CAST: variants seen among roughly 807,000 people sequenced by gnomAD.
CAST encodes the protein MIR583 host.
Under a neutral mutation model 119.6 loss-of-function variants are expected in CAST, and 76 were observed. That is an observed-to-expected ratio of 0.64 (90% confidence interval 0.53 to 0.77). The LOEUF (loss-of-function observed/expected upper bound fraction) is 0.77, where lower values mean the gene tolerates loss of function less well. Ranked by LOEUF, CAST falls within the 30% of genes least tolerant of loss-of-function variation. CAST has a pLI of 0.00. For synonymous variants in CAST, 319 were observed against 331.6 expected, an observed-to-expected ratio of 0.96 and a Z score of 0.41; for missense variants, 953 against 946.5, an observed-to-expected ratio of 1.01 and a Z score of -0.09.
the CAST span, among the ~76,000 whole-genome samples, chr5:96,501,373 C>T: frequency 7.0e-3 from 1,061 of 152,094 alleles, 8 homozygotes; most frequent in African/African-American, 0.025. Flanking sequence ...ATAAAACAGG[C>T]ATAATCATCT....
At chr5:96,272,399 C>T in the CAST span, among the ~76,000 whole-genome samples, 1 of 152,064 alleles carries the variant, frequency 6.6e-6, no homozygotes, top group African/African-American at 2.4e-5. Context: ...AAATGTGGTA[C>T]ATATACACAA....
the CAST span, among the ~76,000 whole-genome samples, chr5:96,227,785 T>C: frequency 6.6e-6 from 1 of 152,124 alleles, no homozygotes; most frequent in African/African-American, 2.4e-5. Flanking sequence ...GATAAAGCCT[T>C]GAGGCTCCCT....
intron 1 of CAST, among the ~76,000 whole-genome samples, chr5:96,552,593 A>T (rs933605519): frequency 2.0e-5 from 3 of 152,192 alleles, no homozygotes; most frequent in East Asian, 3.8e-4. Flanking sequence ...GGAGATAGAG[A>T]CACAAAAAGC....
the CAST span, among the ~76,000 whole-genome samples, chr5:96,005,003 G>A: frequency 6.6e-6 from 1 of 152,136 alleles, no homozygotes; most frequent in African/African-American, 2.4e-5. Flanking sequence ...TGGCAATAGA[G>A]GACAATGGAG....
At chr5:96,171,694 T>C in the CAST span, among the ~76,000 whole-genome samples, 1 of 152,048 alleles carries the variant, frequency 6.6e-6, no homozygotes, top group African/African-American at 2.4e-5. Context: ...GGAACTGAAA[T>C]TAAGAGAAGG....
chr5:96,754,827 A>G, intron 22 of CAST, 86 bp downstream of exon 22: 1 of 780,430 alleles, frequency 1.3e-6, no homozygotes, highest in Non-Finnish European at 2.2e-6. Flanking sequence ...ACAGAACTGG[A>G]ATATAAAGAT....
chr5:96,300,536 G>A, the CAST span, among the ~76,000 whole-genome samples: 94 of 151,142 alleles, frequency 6.2e-4, no homozygotes, highest in Middle Eastern at 3.4e-3. Context: ...GTAGTGTGAT[G>A]CTTCCAGCTT....
the CAST span, chr5:96,390,327 A>C: frequency 6.6e-6 from 1 of 152,180 alleles, no homozygotes; most frequent in South Asian, 2.1e-4. Flanking sequence ...AAAGAGGGAG[A>C]TCTTGTTTGT....
chr5:96,229,525 T>C, the CAST span, among the ~76,000 whole-genome samples: 1 of 152,116 alleles, frequency 6.6e-6, no homozygotes, highest in Non-Finnish European at 1.5e-5. Flanking sequence ...AACAGTGGTA[T>C]CTTCCTGAGC....
the CAST span, among the ~76,000 whole-genome samples, chr5:96,395,644 A>G: frequency 0.017 from 2,568 of 152,162 alleles, 80 homozygotes; most frequent in African/African-American, 0.058. Flanking sequence ...CCTGTCAGGG[A>G]GTAGGGGGCA....
chr5:96,367,626 G>A, the CAST span, among the ~76,000 whole-genome samples: 8 of 152,248 alleles, frequency 5.3e-5, no homozygotes, highest in East Asian at 1.2e-3. Flanking sequence ...TCCGTGCCAG[G>A]CGCGGGATAT....
the CAST span, among the ~76,000 whole-genome samples, chr5:96,299,280 A>G: frequency 4.2e-5 from 6 of 141,260 alleles, no homozygotes; most frequent in Non-Finnish European, 7.9e-5. Context: ...CAACAACAAC[A>G]ACAACAACAA....
chr5:96,243,992 G>T, the CAST span, among the ~76,000 whole-genome samples: 1 of 152,204 alleles, frequency 6.6e-6, no homozygotes, highest in Non-Finnish European at 1.5e-5. Context: ...ACTGCATAGG[G>T]TAAGCAGTAC....
the CAST span, among the ~76,000 whole-genome samples, chr5:96,457,846 G>A: frequency 1.3e-5 from 2 of 152,302 alleles, no homozygotes; most frequent in East Asian, 1.9e-4. Context: ...GAAGACAGCT[G>A]TCATTTTTCC....
chr5:95,976,797 T>G, the CAST span, among the ~76,000 whole-genome samples: 1 of 152,176 alleles, frequency 6.6e-6, no homozygotes, highest in African/African-American at 2.4e-5. Flanking sequence ...GGAAGAAGGC[T>G]TCATTTTGCA....
chr5:96,606,373 A>G (rs1180916711), intron 1 of CAST, among the ~76,000 whole-genome samples: 1 of 152,212 alleles, frequency 6.6e-6, no homozygotes, highest in Non-Finnish European at 1.5e-5. Flanking sequence ...TTTTATCTGT[A>G]TAAGAATACT....
the CAST span, among the ~76,000 whole-genome samples, chr5:96,096,258 C>G: frequency 6.6e-6 from 1 of 152,140 alleles, no homozygotes; most frequent in East Asian, 1.9e-4. Context: ...ATCAGAGGCT[C>G]CTTTGCTGCT....
intron 1 of CAST, among the ~76,000 whole-genome samples, chr5:96,665,584 A>G (rs1357873245): frequency 6.6e-6 from 1 of 152,164 alleles, no homozygotes; most frequent in Non-Finnish European, 1.5e-5. Flanking sequence ...TTGAGAATCA[A>G]ATGGGATTTA....
the CAST span, among the ~76,000 whole-genome samples, chr5:96,008,209 TA>T: frequency 2.6e-5 from 4 of 152,204 alleles, no homozygotes; most frequent in East Asian, 7.7e-4. Context: ...GTTTTTTGAT[TA>T]AATGTAAACA....
Sources: gnomAD v4.1 joint callset for allele counts (sites outside exome capture counted in the v4.1 genomes callset) on GRCh38, gnomAD v4.1.1 for gene constraint, MANE v1.5 for transcripts, NCBI Gene and HGNC (gene_info 2026-07-23, HGNC 2026-07-21) for gene names.